Variants in DYNLT2 observed in about 807,000 individuals in gnomAD.
DYNLT2 encodes dynein light chain Tctex-type protein 2.
In DYNLT2, 24 loss-of-function variants were observed where a neutral mutation model predicts 24.3. That is an observed-to-expected ratio of 0.99 (90% CI 0.71 to 1.39). DYNLT2 has a LOEUF of 1.39. Ranked by LOEUF, DYNLT2 falls within the 40% of genes most tolerant of loss-of-function variation. DYNLT2 has a pLI of 0.00. For synonymous variants in DYNLT2, 85 were observed against 85.4 expected, an observed-to-expected ratio of 1.00 and a Z score of 0.03; for missense variants, 246 against 234.5, an observed-to-expected ratio of 1.05 and a Z score of -0.32.
chr6:169,732,294 T>C, the DYNLT2 span, among the ~76,000 whole-genome samples: 4 of 152,186 alleles, frequency 2.6e-5, no homozygotes, highest in African/African-American at 9.6e-5. Flanking sequence ...TTGGTAGAAA[T>C]TGTAAGAAAA....
At chr6:169,738,995 A>G (rs548850023), downstream of DYNLT2, 1 of 152,286 alleles carries the variant, frequency 6.6e-6, no homozygotes, top group South Asian at 2.1e-4. Context: ...AGTGGAAAAA[A>G]AAACCCTTCT....
chr6:169,729,640 A>C, the DYNLT2 span, among the ~76,000 whole-genome samples: 1 of 152,206 alleles, frequency 6.6e-6, no homozygotes, highest in East Asian at 1.9e-4. Context: ...TGAAGCCCTA[A>C]TCCCCAGTGT....
intron 1 of DYNLT2, 33 bp from the exon 2 acceptor site, chr6:169,744,307 G>A: frequency 6.4e-7 from 1 of 1,572,434 alleles, no homozygotes; most frequent in Non-Finnish European, 8.7e-7. Flanking sequence ...AAGAGAGAAA[G>A]GCAGAAAGAT....
the DYNLT2 span, chr6:169,725,516 G>A: frequency 2.5e-6 from 1 of 394,800 alleles, no homozygotes; most frequent in South Asian, 1.4e-4. Context: ...ATCCGTTCTT[G>A]CCTCTGTCCC....
Position 169,745,088 on chromosome 6 carries a change from G to GTT in DYNLT2, c.121-816_121-815dup, listed in dbSNP as rs572199646. On this transcript the variant is annotated intron_variant, in intron 1 of 3. Transcript: ENST00000366774. ...CATCGAGTATGATGTTTGCTGTGAA[G>GTT]TTTTTTTTGTTTGTTTTTTTTTTTG... is the stretch of plus-strand genomic sequence containing the variant. Among the ~76,000 whole-genome samples, 328 of 151,386 alleles carry GTT rather than the reference G, an allele frequency of 2.2e-3. 1 individual carries two copies. The highest frequency in any genetic ancestry group is 7.5e-3 in the African/African-American group (309 of 41,352).
intron 1 of DYNLT2, among the ~76,000 whole-genome samples, chr6:169,745,283 T>A (rs1461834706): frequency 2.6e-5 from 4 of 152,098 alleles, no homozygotes; most frequent in African/African-American, 9.7e-5. Context: ...GTTGTATTTT[T>A]AGTAGAGACG....
At chr6:169,734,866 C>T in the DYNLT2 span, among the ~76,000 whole-genome samples, 1 of 152,130 alleles carries the variant, frequency 6.6e-6, no homozygotes, top group Non-Finnish European at 1.5e-5. Flanking sequence ...AGGAATGGTA[C>T]TAGCTCCTCT....
downstream of DYNLT2, chr6:169,739,118 T>A (rs1789621737): frequency 6.6e-6 from 1 of 152,158 alleles, no homozygotes; most frequent in Non-Finnish European, 1.5e-5. Flanking sequence ...TCATACTGAT[T>A]ATCACAGGTA....
Position 169,740,112 on chromosome 6 carries a change from G to T in DYNLT2, c.*73C>A. The stretch of plus-strand genomic sequence containing the variant: ...ATATAGCAAATCAGAAATATTATGA[G>T]GTTTACAAATATGTAAATTTCATTT... On this transcript the variant is annotated 3_prime_UTR_variant, in exon 4 of 4. Coordinates refer to ENST00000366774, the MANE Select transcript of DYNLT2 (RefSeq NM_174910.3). 2 of 957,596 alleles carry T rather than the reference G, an allele frequency of 2.1e-6. No individual in the cohort carries two copies. Among genetic ancestry groups the T allele is most frequent in the Non-Finnish European group, 1.6e-6 (1 of 608,910 alleles). 59.3% of individuals were successfully genotyped at this position (957,596 alleles called of 1,614,324 possible). A position where few individuals can be genotyped will look rare whatever the true frequency, so the allele number is the denominator to read the frequency against.
At chr6:169,736,537 T>A (rs1789566145), downstream of DYNLT2, among the ~76,000 whole-genome samples, 1 of 152,216 alleles carries the variant, frequency 6.6e-6, no homozygotes, top group Non-Finnish European at 1.5e-5. Context: ...AGCATTTGCT[T>A]GTCTGGAAAG....
chr6:169,736,958 C>G (rs9295023), downstream of DYNLT2, among the ~76,000 whole-genome samples: 3 of 151,426 alleles, frequency 2.0e-5, no homozygotes, highest in South Asian at 6.3e-4. Flanking sequence ...TCCAATCAAT[C>G]GTAGGTTTGG....
At chr6:169,732,765 A>G in the DYNLT2 span, among the ~76,000 whole-genome samples, 1 of 152,230 alleles carries the variant, frequency 6.6e-6, no homozygotes, top group Non-Finnish European at 1.5e-5. Context: ...GTGTCTTCAT[A>G]GTAGAATGAT....
Position 169,751,481 on chromosome 6 carries a change from C to CCACCGCCTCCCCTT in DYNLT2, c.-37_-24dup. ...CATCTCGCTCTGTTCTCCAAGACGC[C>CCACCGCCTCCCCTT]CACCGCCTCCCCTTCACCGCCGGCG... On this transcript the variant is annotated 5_prime_UTR_variant, in exon 1 of 4. Coordinates refer to ENST00000366774, the MANE Select transcript of DYNLT2 (RefSeq NM_174910.3). 6.2e-7 allele frequency: 1 copy of CCACCGCCTCCCCTT among 1,612,376 alleles called. No homozygotes were observed.
intron 1 of DYNLT2, among the ~76,000 whole-genome samples, chr6:169,747,014 C>T (rs1205848940): frequency 6.7e-6 from 1 of 150,066 alleles, no homozygotes; most frequent in Non-Finnish European, 1.5e-5. Flanking sequence ...CAGCTTTTTA[C>T]TTGTTAGGAC....
chr6:169,751,551 T>C lies in DYNLT2; in HGVS notation c.-93A>G. ...CCCGCGAGGGCGGAAGTCTCCCACC[T>C]GCGCCTCGTACGGTAGGAAGTGCCC... On this transcript the variant is annotated 5_prime_UTR_variant, in exon 1 of 4. Transcript: ENST00000366774. The C allele has an allele frequency of 6.2e-7, 1 of 1,610,468 alleles. No individual in the cohort carries two copies. Among genetic ancestry groups the C allele is most frequent in the African/African-American group, 1.3e-5 (1 of 74,894 alleles).
intron 1 of DYNLT2, 116 bp from the exon 2 acceptor site, chr6:169,744,390 G>A: frequency 1.2e-6 from 1 of 854,064 alleles, no homozygotes; most frequent in Non-Finnish European, 1.8e-6. Context: ...CACAAAGCTT[G>A]GAAATTTGTT....
At chr6:169,738,071 G>GGCACTCTGGCCGCAGACTGCCACA (rs1562994770), downstream of DYNLT2, among the ~76,000 whole-genome samples, 1 of 152,248 alleles carries the variant, frequency 6.6e-6, no homozygotes, top group African/African-American at 2.4e-5. Context: ...GACCTGAAGA[G>GGCACTCTGGCCGCAGACTGCCACA]GCACTCTGGC....
At chr6:169,734,779 G>T in the DYNLT2 span, among the ~76,000 whole-genome samples, 6 of 152,098 alleles carry the variant, frequency 3.9e-5, no homozygotes, top group African/African-American at 1.4e-4. Flanking sequence ...CCAGGTTTTG[G>T]TATCAGGGCG....
At chr6:169,736,958 C>T (rs9295023), downstream of DYNLT2, among the ~76,000 whole-genome samples, 29,903 of 151,388 alleles carry the variant, frequency 0.2, 3,866 homozygotes, top group East Asian at 0.64. Flanking sequence ...TCCAATCAAT[C>T]GTAGGTTTGG....
Sources: allele counts gnomAD v4.1 joint callset (sites outside exome capture counted in the v4.1 genomes callset), GRCh38; gene constraint gnomAD v4.1.1; transcripts MANE v1.5; gene names NCBI Gene and HGNC (gene_info 2026-07-23, HGNC 2026-07-21).